Variants in NRK observed in about 807,000 individuals in gnomAD.
The protein encoded by NRK is nik-related protein kinase.
Under a neutral mutation model 125.2 loss-of-function variants are expected in NRK, and 67 were observed. The observed-to-expected ratio is 0.54, with a 90% CI of 0.44 to 0.66. The LOEUF (loss-of-function observed/expected upper bound fraction) is 0.66, where lower values mean the gene tolerates loss of function less well. NRK is among the 30% of genes least tolerant of loss of function. The pLI, the probability that NRK is intolerant of heterozygous loss-of-function variation, is 0.00. For synonymous variants in NRK, 458 were observed against 429.0 expected (o/e 1.07, Z -0.84); for missense variants, 1,224 against 1,192.9 (o/e 1.03, Z -0.38).
At chrX:105,924,660 G>A (rs372438036) in intron 18 of NRK, 35 bp from the exon 19 acceptor site, 182 of 1,107,916 alleles carry the variant, frequency 1.6e-4, no homozygotes, top group Middle Eastern at 2.5e-4. Flanking sequence ...TTTTTATTGC[G>A]TGACTTTCTT....
In NRK at chrX:105,935,334, G is replaced by T. The variant is rs905171263; in HGVS notation, c.3655+9G>T. The T allele has an allele frequency of 8.7e-7, 1 of 1,145,733 alleles. No individual in the cohort carries two copies. Among genetic ancestry groups the T allele is most frequent in the African/African-American group, 1.8e-5 (1 of 55,484 alleles). The allele number at this position is 1,145,733 out of a possible 1,213,427, so 94.4% of individuals were successfully genotyped here. A position where few individuals can be genotyped will look rare whatever the true frequency, so the allele number is the denominator to read the frequency against. ...CTGTGGTTCTTTGTGGGGTGAGTTT[G>T]TTTTGTTTTCTTAAAGAATATATTT... is the stretch of plus-strand genomic sequence containing the variant. On this transcript the variant is annotated intron_variant, in intron 21 of 28. Transcript: ENST00000243300.
intron 1 of NRK, among the ~76,000 whole-genome samples, chrX:105,829,669 C>T (rs968007340): frequency 8.9e-6 from 1 of 111,736 alleles, no homozygotes; most frequent in Admixed American, 9.5e-5. Flanking sequence ...AGCCTCATAA[C>T]TCTATCCCAA....
chrX:105,944,792 T>C (rs1484945911), intron 24 of NRK, among the ~76,000 whole-genome samples: 1 of 111,812 alleles, frequency 8.9e-6, no homozygotes, highest in East Asian at 2.8e-4. Context: ...CTATATTCTT[T>C]CCAAGCTGGA....
intron 2 of NRK, among the ~76,000 whole-genome samples, chrX:105,831,556 G>C (rs2039193176): frequency 8.9e-6 from 1 of 111,878 alleles, no homozygotes; most frequent in Non-Finnish European, 1.9e-5. Context: ...ATTTTCTAAA[G>C]AATCTAACAA....
chrX:105,823,018 C>T (rs1270825539), intron 1 of NRK, 116 bp downstream of exon 1: 2 of 703,992 alleles, frequency 2.8e-6, no homozygotes, highest in Non-Finnish European at 4.1e-6. Flanking sequence ...GACGGGTCCC[C>T]CGGGCGCGGA....
intron 14 of NRK, among the ~76,000 whole-genome samples, chrX:105,915,469 C>A (rs1472128996): frequency 9.0e-6 from 1 of 111,054 alleles, no homozygotes; most frequent in Non-Finnish European, 1.9e-5. Context: ...GCTACAGATT[C>A]CTCAACAATA....
Position 105,895,347 on chromosome X carries a change from A to G in NRK, c.490-86A>G, listed in dbSNP as rs756932967. 5 of 759,400 alleles carry G rather than the reference A, an allele frequency of 6.6e-6. No individual in the cohort carries two copies. The Admixed American group carries it at 9.3e-5, about 14-fold the overall frequency. The allele number at this position is 759,400 out of a possible 1,213,427, so 62.6% of individuals were successfully genotyped here. On this transcript the variant is annotated intron_variant, in intron 6 of 28. Coordinates refer to ENST00000243300, the MANE Select transcript of NRK (RefSeq NM_198465.4). ...TCTCTTATCAAAAGTTTTTCCAAAAATACTAAGAACTGTACCAGAAAGAAA... is the reference window on the plus strand; with the variant it reads ...TCTCTTATCAAAAGTTTTTCCAAAAGTACTAAGAACTGTACCAGAAAGAAA...
chrX:105,844,391 T>C (rs1392677078), intron 2 of NRK, among the ~76,000 whole-genome samples: 1 of 111,647 alleles, frequency 9.0e-6, no homozygotes, highest in Non-Finnish European at 1.9e-5. Context: ...CCCCAAAATA[T>C]ACAGACAGAA....
intron 2 of NRK, among the ~76,000 whole-genome samples, chrX:105,857,590 G>GA (rs1270068836): frequency 9.0e-6 from 1 of 110,728 alleles, no homozygotes; most frequent in Non-Finnish European, 1.9e-5. Flanking sequence ...ATTTCTTAAA[G>GA]AAAAAAATCC....
chrX:105,916,071 C>G (rs1001625753), intron 15 of NRK, among the ~76,000 whole-genome samples: 1 of 110,799 alleles, frequency 9.0e-6, no homozygotes, highest in Non-Finnish European at 1.9e-5. Context: ...ATAACAAATA[C>G]TTTGACAGTA....
At chrX:105,842,940 C>T (rs980320349) in intron 2 of NRK, among the ~76,000 whole-genome samples, 1 of 111,816 alleles carries the variant, frequency 8.9e-6, no homozygotes, top group Admixed American at 9.5e-5. Context: ...AGCTGAATTC[C>T]TCCCACCTTT....
At position 105,928,822 on chromosome X, in the gene NRK, T is replaced by C. The variant is rs1489674741; in HGVS notation, c.3312+3791T>C. The stretch of plus-strand genomic sequence containing the variant: ...TTTCTCTGGTTATTGATTTCTAGTT[T>C]ATTCTATTTTGGTCATAAAGGATAC... On this transcript the variant is annotated intron_variant, in intron 19 of 28. Transcript: ENST00000243300. 2.7e-5 allele frequency among the ~76,000 whole-genome samples: 3 copies of C among 112,064 alleles called. No individual in the cohort carries two copies. The East Asian group carries it at 8.4e-4, about 31-fold the overall frequency.
At chrX:105,823,469 C>T (rs2039050911) in intron 1 of NRK, among the ~76,000 whole-genome samples, 1 of 111,147 alleles carries the variant, frequency 9.0e-6, no homozygotes, top group Non-Finnish European at 1.9e-5. Context: ...GGCAATGTTC[C>T]TGATTTAGTG....
In NRK at chrX:105,923,379, C is replaced by T; in HGVS notation, c.2872C>T (p.Gln958Ter). Residue 958 changes from glutamine (Q) to a stop codon, truncating the protein, a stop_gained, in exon 18 of 29, where the codon CAG (glutamine) becomes TAG (stop). Transcript: ENST00000243300. LOFTEE classifies it high-confidence loss of function. ...CAATGGCAATGATGACTTGGATAAC[C>T]AGGTTGATCAGGCTAATGATGTTTG... Reference protein sequence around the residue: ...HANGNDDLDNQVDQANDVCKD... With the variant: ...HANGNDDLDN 8.6e-7 allele frequency: 1 copy of T among 1,158,280 alleles called. No homozygotes were observed. The highest frequency in any genetic ancestry group is 1.2e-6 in the Non-Finnish European group (1 of 864,243).
At chrX:105,823,296 T>C (rs73531063) in intron 1 of NRK, among the ~76,000 whole-genome samples, 12,892 of 111,727 alleles carry the variant, frequency 0.12, 1,813 homozygotes, top group African/African-American at 0.4. Context: ...TACTCCTCCT[T>C]CCTGTTATCC....
In NRK at chrX:105,905,903, C is replaced by T. The variant is rs184791579; in HGVS notation, c.846-511C>T. Among the ~76,000 whole-genome samples the T allele has an allele frequency of 4.1e-4, 46 of 111,933 alleles. No homozygotes were observed. In the Admixed American group the frequency reaches 4.3e-3, roughly 10 times the overall value. On this transcript the variant is annotated intron_variant, in intron 10 of 28. Transcript: ENST00000243300. ...ATTCTGCATTGGAATTCAATTTAAC[C>T]CTTTCCATGGATTCAGTTTTTATGG... is the stretch of plus-strand genomic sequence containing the variant.
chrX:105,923,385 G>A lies in NRK; in HGVS notation c.2878G>A (p.Asp960Asn), dbSNP rs765883331. Residue 960 changes from aspartate to asparagine, a missense_variant, in exon 18 of 29, where the codon GAT (aspartate) becomes AAT (asparagine). Coordinates refer to ENST00000243300, the MANE Select transcript of NRK (RefSeq NM_198465.4). Reference protein sequence around the residue: ...NGNDDLDNQVDQANDVCKDHD... With the variant: ...NGNDDLDNQVNQANDVCKDHD... The stretch of plus-strand genomic sequence containing the variant: ...CAATGATGACTTGGATAACCAGGTT[G>A]ATCAGGCTAATGATGTTTGTAAAGA... The A allele has an allele frequency of 8.6e-7, 1 of 1,156,768 alleles. No homozygotes were observed. The highest frequency in any genetic ancestry group is 1.9e-5 in the South Asian group (1 of 52,486).
At chrX:105,857,179 C>T (rs897950311) in intron 2 of NRK, among the ~76,000 whole-genome samples, 2 of 111,213 alleles carry the variant, frequency 1.8e-5, no homozygotes, top group African/African-American at 6.5e-5. Context: ...TTGCTCTATT[C>T]TACTATTAAG....
At chrX:105,849,729 A>G (rs2039446752) in intron 2 of NRK, among the ~76,000 whole-genome samples, 1 of 112,133 alleles carries the variant, frequency 8.9e-6, no homozygotes, top group Admixed American at 9.4e-5. Context: ...TAAAGCTCCA[A>G]AATGATCTCC....
Sources: gnomAD v4.1 joint callset for allele counts (sites outside exome capture counted in the v4.1 genomes callset) on GRCh38, gnomAD v4.1.1 for gene constraint, MANE v1.5 for transcripts, NCBI Gene and HGNC (gene_info 2026-07-23, HGNC 2026-07-21) for gene names.